Variants in DMD observed in about 807,000 individuals in gnomAD.
DMD encodes the protein dystrophin, also known as mutant dystrophin.
Under a neutral mutation model 330.1 loss-of-function variants are expected in DMD, and 63 were observed. The observed-to-expected ratio is 0.19, with a 90% CI of 0.16 to 0.24. The LOEUF (loss-of-function observed/expected upper bound fraction) is 0.24, where lower values mean the gene tolerates loss of function less well. DMD is among the 10% of genes least tolerant of loss of function. DMD has a pLI of 1.00. For missense variants in DMD, 3,344 were observed against 2,684.1 expected, an observed-to-expected ratio of 1.25 and a Z score of -5.43; for synonymous variants, 1,223 against 959.8, an observed-to-expected ratio of 1.27 and a Z score of -5.07.
intron 60 of DMD, among the ~76,000 whole-genome samples, chrX:31,430,130 G>A (rs1206277837): frequency 9.0e-6 from 1 of 111,270 alleles, no homozygotes; most frequent in Non-Finnish European, 1.9e-5. Context: ...TCAAGACTGC[G>A]AGAGCACCAT....
Position 32,641,733 on chromosome X carries a change from C to G in DMD, c.1331+2399G>C, listed in dbSNP as rs868739014. On this transcript the variant is annotated intron_variant, in intron 11 of 78. Coordinates refer to ENST00000357033, the MANE Select transcript of DMD (RefSeq NM_004006.3). ...ACTAGACAAATGTTAATTATCATTT[C>G]TCTAATCGCTAAACCAAGGCTTAGG... Among the ~76,000 whole-genome samples, 5 of 110,848 alleles carry G rather than the reference C, an allele frequency of 4.5e-5. No homozygotes were observed. The South Asian group carries it at 1.1e-3, about 25-fold the overall frequency.
At chrX:32,806,468 C>T (rs1603430702) in intron 7 of DMD, among the ~76,000 whole-genome samples, 1 of 111,282 alleles carries the variant, frequency 9.0e-6, no homozygotes, top group Non-Finnish European at 1.9e-5. Flanking sequence ...TAGAGACCTA[C>T]ATAGAGACAG....
In DMD at chrX:32,346,867, T is replaced by C. The variant is rs772258406; in HGVS notation, c.5449-787A>G. Among the ~76,000 whole-genome samples the C allele has an allele frequency of 1.7e-4, 19 of 111,958 alleles. 1 individual carries two copies. Among genetic ancestry groups the C allele is most frequent in the Admixed American group, 1.2e-3 (13 of 10,481 alleles). On this transcript the variant is annotated intron_variant, in intron 38 of 78. Coordinates refer to ENST00000357033, the MANE Select transcript of DMD (RefSeq NM_004006.3). ...TCTAATATAGTCGCATATATGACCA[T>C]GTGATTTTTCACCTTTAGTTTTCTT...
chrX:33,251,740 A>T (rs12395482), intron 1 of DMD, among the ~76,000 whole-genome samples: 11,550 of 111,759 alleles, frequency 0.1, 683 homozygotes, highest in African/African-American at 0.23. Flanking sequence ...CTCCCCAGAG[A>T]TACCAACTGA....
intron 29 of DMD, among the ~76,000 whole-genome samples, chrX:32,425,225 C>A (rs1341899819): frequency 1.8e-5 from 2 of 111,178 alleles, no homozygotes; most frequent in East Asian, 5.6e-4. Flanking sequence ...TCTCCCAACC[C>A]CCTTTACCGT....
At chrX:31,374,207 C>T (rs1310214150) in intron 60 of DMD, among the ~76,000 whole-genome samples, 3 of 83,260 alleles carry the variant, frequency 3.6e-5, no homozygotes, top group Non-Finnish European at 6.8e-5. Flanking sequence ...AATAGGAACA[C>T]TTTTACACTG....
Position 32,532,585 on chromosome X carries a change from G to A in DMD, c.2168+12574C>T, listed in dbSNP as rs774071266. Among the ~76,000 whole-genome samples, 4 of 112,191 alleles carry A rather than the reference G, an allele frequency of 3.6e-5. No homozygotes were observed. In the South Asian group the frequency reaches 1.1e-3, roughly 31 times the overall value. ...GAGTGACAATAATAAAACTTACTTCGTAATGCTATTTTAAGTGTGAAATAC... is the reference window on the plus strand; with the variant it reads ...GAGTGACAATAATAAAACTTACTTCATAATGCTATTTTAAGTGTGAAATAC... On this transcript the variant is annotated intron_variant, in intron 17 of 78. Coordinates refer to ENST00000357033, the MANE Select transcript of DMD (RefSeq NM_004006.3).
At chrX:32,799,674 A>C (rs1189729519) in intron 7 of DMD, among the ~76,000 whole-genome samples, 2 of 108,809 alleles carry the variant, frequency 1.8e-5, no homozygotes, top group African/African-American at 6.7e-5. Context: ...ACCCACGACC[A>C]ACGCATGTAG....
At position 32,687,327 on chromosome X, in the gene DMD, AT is replaced by A. The variant is rs768032428; in HGVS notation, c.960+10542del. Among the ~76,000 whole-genome samples, 11 of 111,847 alleles carry A rather than the reference AT, an allele frequency of 9.8e-5. No individual in the cohort carries two copies. In the South Asian group the frequency reaches 4.1e-3, roughly 42 times the overall value. On this transcript the variant is annotated intron_variant, in intron 9 of 78. Transcript: ENST00000357033. The stretch of plus-strand genomic sequence containing the variant: ...AATCTTGTAAGTTCTGACAGATTGT[AT>A]TTTTTTAAGATGGATACAATATGTT...
chrX:32,528,406 T>C (rs1040289219), intron 17 of DMD, among the ~76,000 whole-genome samples: 87 of 112,360 alleles, frequency 7.7e-4, no homozygotes, highest in African/African-American at 2.7e-3. Flanking sequence ...TTTTCTTGGG[T>C]AAATTAATTT....
chrX:31,334,234 C>T (rs62588888), intron 61 of DMD, among the ~76,000 whole-genome samples: 43,293 of 111,213 alleles, frequency 0.39, 6,077 homozygotes, highest in East Asian at 0.66. Context: ...GCGCCCGGCC[C>T]GAGATATTCA....
chrX:32,340,194 T>C (rs767798724), intron 41 of DMD, among the ~76,000 whole-genome samples: 4 of 111,917 alleles, frequency 3.6e-5, no homozygotes, highest in South Asian at 7.5e-4. Context: ...TAAAATACGA[T>C]GCCAAATATA....
chrX:32,877,225 C>T (rs1438005297), intron 2 of DMD, among the ~76,000 whole-genome samples: 2 of 111,505 alleles, frequency 1.8e-5, no homozygotes, highest in Non-Finnish European at 3.8e-5. Context: ...ATTGATATGT[C>T]TGACTGACAA....
At chrX:33,188,962 T>C (rs2050394033) in intron 1 of DMD, among the ~76,000 whole-genome samples, 1 of 111,799 alleles carries the variant, frequency 8.9e-6, no homozygotes, top group Non-Finnish European at 1.9e-5. Flanking sequence ...GCCCTGATTA[T>C]ACCTAGCCTT....
intron 43 of DMD, among the ~76,000 whole-genome samples, chrX:32,269,256 G>T (rs1046260172): frequency 3.6e-5 from 4 of 111,144 alleles, no homozygotes; most frequent in Non-Finnish European, 5.7e-5. Context: ...CACTGTGCAT[G>T]CAGATAGCCC....
At chrX:32,360,129 C>A (rs777199564) in intron 37 of DMD, among the ~76,000 whole-genome samples, 7 of 111,575 alleles carry the variant, frequency 6.3e-5, no homozygotes, top group Admixed American at 4.8e-4. Context: ...GATCATCTCA[C>A]CATTATTTGA....
chrX:32,000,599 T>C (rs763760637), intron 44 of DMD, among the ~76,000 whole-genome samples: 1 of 111,455 alleles, frequency 9.0e-6, no homozygotes, highest in Non-Finnish European at 1.9e-5. Flanking sequence ...TATTTTTCTA[T>C]TGTAAGTTTT....
intron 43 of DMD, among the ~76,000 whole-genome samples, chrX:32,251,073 G>A (rs752758851): frequency 1.8e-5 from 2 of 110,188 alleles, no homozygotes; most frequent in Admixed American, 2.0e-4. Flanking sequence ...ATAGCATTAG[G>A]AGAAATACCT....
At chrX:32,632,854 T>G (rs769495886) in intron 11 of DMD, among the ~76,000 whole-genome samples, 2 of 112,673 alleles carry the variant, frequency 1.8e-5, no homozygotes, top group East Asian at 2.8e-4. Context: ...TGGGAGGGGC[T>G]GCCTTTTAGA....
Sources: allele counts gnomAD v4.1 joint callset (sites outside exome capture counted in the v4.1 genomes callset), GRCh38; gene constraint gnomAD v4.1.1; transcripts MANE v1.5; gene names NCBI Gene and HGNC (gene_info 2026-07-23, HGNC 2026-07-21).